NEO1: variants seen among roughly 807,000 people sequenced by gnomAD.
The protein encoded by NEO1 is neogenin.
Under a neutral mutation model 159.7 loss-of-function variants are expected in NEO1, and 63 were observed. The ratio of observed to expected loss-of-function variants is 0.39; its 90% CI spans 0.32 to 0.49. The LOEUF is 0.49. Ranked by LOEUF, NEO1 falls within the 20% of genes least tolerant of loss-of-function variation. NEO1 has a pLI of 0.85. For missense variants in NEO1, 1,615 were observed against 1,831.0 expected (o/e 0.88, Z 2.15); for synonymous variants, 633 against 662.0 (o/e 0.96, Z 0.67).
At chr15:73,148,668 G>C (rs1253017942) in intron 5 of NEO1, among the ~76,000 whole-genome samples, 1 of 152,100 alleles carries the variant, frequency 6.6e-6, no homozygotes, top group Non-Finnish European at 1.5e-5. Context: ...GTTACCCTCA[G>C]TTTATCTGAA....
In NEO1 at chr15:73,253,459, T is replaced by G. The variant is rs765348539; in HGVS notation, c.1944+10T>G. 2.5e-6 allele frequency: 4 copies of G among 1,593,514 alleles called. No homozygotes were observed. The South Asian group carries it at 4.6e-5, about 18-fold the overall frequency. ...AGTGAGAAATTCAAAGGTAAAACTG[T>G]ATGATGCTGCTGTTCATTTTTACTG... On this transcript the variant is annotated intron_variant, in intron 12 of 28. Coordinates refer to ENST00000261908, the MANE Select transcript of NEO1 (RefSeq NM_002499.4).
intron 28 of NEO1, 119 bp downstream of exon 28, chr15:73,301,576 A>G: frequency 4.6e-6 from 6 of 1,314,990 alleles, no homozygotes; most frequent in Non-Finnish European, 6.3e-6. Context: ...ACTATGAAGC[A>G]GATACACTCA....
chr15:73,064,629 TA>T (rs2068122724), intron 1 of NEO1, among the ~76,000 whole-genome samples: 1 of 152,098 alleles, frequency 6.6e-6, no homozygotes, highest in Non-Finnish European at 1.5e-5. Context: ...CATGCCCAGC[TA>T]GTTTCTTAAT....
At chr15:73,193,769 T>C (rs1339547930) in intron 7 of NEO1, among the ~76,000 whole-genome samples, 1 of 151,746 alleles carries the variant, frequency 6.6e-6, no homozygotes, top group Admixed American at 6.6e-5. Flanking sequence ...GGATTATGAA[T>C]CTAAATAATT....
chr15:73,184,698 T>C (rs7497992), intron 7 of NEO1, among the ~76,000 whole-genome samples: 42,134 of 152,008 alleles, frequency 0.28, 7,417 homozygotes, highest in Non-Finnish European at 0.39. Flanking sequence ...GAGGTGGAGG[T>C]GGGCAGATCA....
At chr15:73,132,851 AG>A (rs2031304255) in intron 4 of NEO1, among the ~76,000 whole-genome samples, 1 of 152,216 alleles carries the variant, frequency 6.6e-6, no homozygotes, top group Non-Finnish European at 1.5e-5. Context: ...TCCTCCTGCA[AG>A]AATGGCCATA....
chr15:73,177,527 A>T lies in NEO1; in HGVS notation c.1171-780A>T, dbSNP rs967574678. ...AGAAAATTTTTAAATCATATTTATT[A>T]TACCAATAACAGTAGTTAAAAATTT... is the stretch of plus-strand genomic sequence containing the variant. On this transcript the variant is annotated intron_variant, in intron 6 of 28. Coordinates refer to ENST00000261908, the MANE Select transcript of NEO1 (RefSeq NM_002499.4). 4.6e-5 allele frequency among the ~76,000 whole-genome samples: 7 copies of T among 152,312 alleles called. No homozygotes were observed. In the East Asian group the frequency reaches 1.4e-3, roughly 29 times the overall value.
At chr15:73,221,561 T>G (rs2038264859) in intron 7 of NEO1, 1 of 153,056 alleles carries the variant, frequency 6.5e-6, no homozygotes, top group Non-Finnish European at 1.5e-5. Flanking sequence ...ACAGGCCTCC[T>G]TGAGCTGTGG....
intron 5 of NEO1, among the ~76,000 whole-genome samples, chr15:73,143,794 C>T (rs950329072): frequency 7.9e-5 from 12 of 152,156 alleles, no homozygotes; most frequent in Admixed American, 6.5e-4. Flanking sequence ...CCTGATAGAC[C>T]CTCAAGATTA....
At chr15:73,122,061 G>GTA (rs1449957279) in intron 2 of NEO1, among the ~76,000 whole-genome samples, 2 of 63,724 alleles carry the variant, frequency 3.1e-5, no homozygotes, top group African/African-American at 8.7e-5. Flanking sequence ...GTGTGTGTGT[G>GTA]TGTATATATA....
intron 1 of NEO1, among the ~76,000 whole-genome samples, chr15:73,111,972 A>G (rs1251106376): frequency 1.3e-5 from 2 of 151,962 alleles, no homozygotes; most frequent in African/African-American, 4.8e-5. Flanking sequence ...ATACAAGATG[A>G]TTTTTGTCAT....
intron 3 of NEO1, among the ~76,000 whole-genome samples, chr15:73,126,001 T>C (rs577411941): frequency 6.6e-6 from 1 of 152,282 alleles, no homozygotes; most frequent in South Asian, 2.1e-4. Context: ...ATGTCAAATA[T>C]CTCTCGATTG....
intron 5 of NEO1, among the ~76,000 whole-genome samples, chr15:73,151,981 A>T (rs964852272): frequency 2.0e-5 from 3 of 152,234 alleles, no homozygotes; most frequent in Admixed American, 2.0e-4. Context: ...CTGTGCCTTT[A>T]GTAAATAATT....
chr15:73,138,838 A>G (rs1207616101), intron 5 of NEO1, among the ~76,000 whole-genome samples: 1 of 152,044 alleles, frequency 6.6e-6, no homozygotes, highest in African/African-American at 2.4e-5. Context: ...ATCCTTCTAT[A>G]GAGTGGTGGG....
At chr15:73,200,528 A>G (rs185042901) in intron 7 of NEO1, among the ~76,000 whole-genome samples, 2,035 of 150,594 alleles carry the variant, frequency 0.014, 20 homozygotes, top group Middle Eastern at 0.017. Context: ...GTCTCTAGAG[A>G]GAGAGAGAGA....
chr15:73,248,444 C>G (rs2039909619), intron 9 of NEO1, among the ~76,000 whole-genome samples: 1 of 152,172 alleles, frequency 6.6e-6, no homozygotes, highest in Admixed American at 6.5e-5. Context: ...CAAGCTGAAC[C>G]ACTTAACACT....
intron 8 of NEO1, among the ~76,000 whole-genome samples, chr15:73,237,313 T>C (rs1483313419): frequency 3.3e-5 from 5 of 152,234 alleles, no homozygotes; most frequent in South Asian, 2.1e-4. Flanking sequence ...TATGGTAATA[T>C]GTGATATTTT....
rs2034968173 is a variant in NEO1 at position 73,171,610 on chromosome 15, AACTATT to A, written c.1016-4791_1016-4786del. ...GACTGGGTAATAGGTGATATTAAGA[AACTATT>A]ATTATTATTATTATTATTATTATTA... On this transcript the variant is annotated intron_variant, in intron 5 of 28. Transcript: ENST00000261908. Among the ~76,000 whole-genome samples the A allele has an allele frequency of 2.4e-5, 3 of 123,030 alleles. No individual in the cohort carries two copies. In the South Asian group the frequency reaches 8.1e-4, roughly 33 times the overall value. 80.7% of individuals were successfully genotyped at this position (123,030 alleles called of 152,430 possible).
intron 7 of NEO1, among the ~76,000 whole-genome samples, chr15:73,220,912 T>G (rs925655650): frequency 1.3e-5 from 2 of 152,240 alleles, no homozygotes; most frequent in East Asian, 1.9e-4. Flanking sequence ...GTCTGAAGCC[T>G]TCTTCTCTCA....
Sources: gnomAD v4.1 joint callset for allele counts (sites outside exome capture counted in the v4.1 genomes callset) on GRCh38, gnomAD v4.1.1 for gene constraint, MANE v1.5 for transcripts, NCBI Gene and HGNC (gene_info 2026-07-23, HGNC 2026-07-21) for gene names.